VRK3: variants seen among roughly 807,000 people sequenced by gnomAD.
The protein encoded by VRK3 is serine/threonine-protein kinase VRK3.
A neutral mutation model predicts 60.4 loss-of-function variants in VRK3; 50 were observed. That is an observed-to-expected ratio of 0.83 (90% CI 0.66 to 1.05). VRK3 has a LOEUF of 1.05. Ranked by LOEUF, VRK3 falls within the 50% of genes least tolerant of loss-of-function variation. VRK3 has a pLI of 0.00. For missense variants in VRK3, 549 were observed against 585.3 expected (o/e 0.94, Z 0.64); for synonymous variants, 246 against 227.8 (o/e 1.08, Z -0.72).
chr19:49,979,169 C>T lies in VRK3; in HGVS notation c.1350G>A (p.Arg450=). ...YEEKPPYAML[R]NNLEALLQDL... ...CCTGCAGCAAAGCTTCTAGGTTGTT[C>T]CTCAGCATGGCGTAGGGCGGCTTCT... The change falls in exon 14 of 15, where the codon AGG becomes AGA. Residue 450 remains arginine, a synonymous_variant. Coordinates refer to ENST00000316763, the MANE Select transcript of VRK3 (RefSeq NM_016440.4). The T allele has an allele frequency of 6.2e-7, 1 of 1,614,086 alleles. No individual in the cohort carries two copies. Among genetic ancestry groups the T allele is most frequent in the Non-Finnish European group, 8.5e-7 (1 of 1,179,996 alleles).
At chr19:49,997,748 T>C in intron 6 of VRK3, 178 bp from the exon 7 acceptor site, 1 of 589,160 alleles carries the variant, frequency 1.7e-6, no homozygotes, top group South Asian at 2.3e-5. Flanking sequence ...CGAGCTACCT[T>C]GCTGTACCCA....
intron 12 of VRK3, among the ~76,000 whole-genome samples, chr19:49,984,621 C>T (rs536026821): frequency 7.4e-4 from 112 of 152,284 alleles, no homozygotes; most frequent in Middle Eastern, 3.4e-3. Flanking sequence ...CTTCATTCCA[C>T]TACGATTTTT....
intron 5 of VRK3, among the ~76,000 whole-genome samples, chr19:50,002,540 G>A (rs28695592): frequency 0.052 from 7,981 of 152,178 alleles, 693 homozygotes; most frequent in African/African-American, 0.18. Flanking sequence ...CAATGCGTAC[G>A]TGCCCGGTAC....
intron 5 of VRK3, chr19:50,001,327 T>C (rs28479082): frequency 0.049 from 8,026 of 163,216 alleles, 693 homozygotes; most frequent in African/African-American, 0.18. Flanking sequence ...ACAGTTCCCA[T>C]GTACTGTCAC....
chr19:50,008,465 TGAG>T (rs1470747562), intron 4 of VRK3, among the ~76,000 whole-genome samples: 1 of 152,040 alleles, frequency 6.6e-6, no homozygotes, highest in Non-Finnish European at 1.5e-5. Flanking sequence ...CAGAGGATAA[TGAG>T]GAGCAAAGGG....
chr19:50,008,269 C>G (rs548267013), intron 4 of VRK3, among the ~76,000 whole-genome samples: 1 of 152,006 alleles, frequency 6.6e-6, no homozygotes, highest in East Asian at 1.9e-4. Flanking sequence ...GGACTCAGTC[C>G]TGAGATAGAA....
chr19:49,981,820 T>C (rs1236697887), intron 12 of VRK3: 3 of 1,149,314 alleles, frequency 2.6e-6, no homozygotes, highest in East Asian at 5.3e-5. Context: ...ACACGCACAC[T>C]GGTCAGGGAG....
chr19:49,989,044 A>G (rs1489381568), intron 11 of VRK3, among the ~76,000 whole-genome samples: 1 of 152,152 alleles, frequency 6.6e-6, no homozygotes, highest in Non-Finnish European at 1.5e-5. Context: ...GACAAGCACT[A>G]CTTGTCCGTG....
intron 3 of VRK3, among the ~76,000 whole-genome samples, chr19:50,010,904 C>T (rs530972727): frequency 1.3e-5 from 2 of 152,198 alleles, no homozygotes; most frequent in Non-Finnish European, 2.9e-5. Flanking sequence ...CAGAGTGAGA[C>T]TGTGTCTCAA....
At chr19:50,020,938 G>T (rs2077161569) in intron 1 of VRK3, among the ~76,000 whole-genome samples, 1 of 152,192 alleles carries the variant, frequency 6.6e-6, no homozygotes, top group East Asian at 1.9e-4. Flanking sequence ...ATGGAGAAAG[G>T]GCTATGGAGG....
At position 49,995,237 on chromosome 19, in the gene VRK3, C is replaced by T. The variant is rs2076681322; in HGVS notation, c.718G>A (p.Ala240Thr). 1.9e-6 allele frequency: 3 copies of T among 1,614,160 alleles called. No individual in the cohort carries two copies. The highest frequency in any genetic ancestry group is 2.5e-6 in the Non-Finnish European group (3 of 1,180,022). Residue 240 changes from alanine to threonine, a missense_variant, in exon 8 of 15, where the codon GCC becomes ACC. By Grantham distance (58) the Ala-to-Thr change is moderately conservative. Transcript: ENST00000316763. ...WKKLYSTPLL[A>T]IPTCMGFGVH... ...CCGAAACCCATGCAGGTAGGGATGGCCAGCAGTGGGGTCGAGTACAGCTTC... is the reference window on the plus strand; with the variant it reads ...CCGAAACCCATGCAGGTAGGGATGGTCAGCAGTGGGGTCGAGTACAGCTTC...
At chr19:49,980,223 G>A (rs1212845097) in intron 13 of VRK3, among the ~76,000 whole-genome samples, 1 of 152,028 alleles carries the variant, frequency 6.6e-6, no homozygotes, top group Admixed American at 6.6e-5. Context: ...AAACACCCCC[G>A]ACACCCCAAC....
chr19:50,016,311 G>T, intron 2 of VRK3, 148 bp from the exon 3 acceptor site: 1 of 1,052,914 alleles, frequency 9.5e-7, no homozygotes, highest in Middle Eastern at 2.5e-4. Flanking sequence ...CTTAAAACAT[G>T]CAATGGGAAT....
Position 50,008,933 on chromosome 19 carries a change from C to G in VRK3, c.289+303G>C, listed in dbSNP as rs1600707134. 1.3e-5 allele frequency: 4 copies of G among 308,714 alleles called. No individual in the cohort carries two copies. In the East Asian group the frequency reaches 2.4e-4, roughly 19 times the overall value. The allele number at this position is 308,714 out of a possible 1,614,324, so 19.1% of individuals were successfully genotyped here. On this transcript the variant is annotated intron_variant, in intron 4 of 14. Coordinates refer to ENST00000316763, the MANE Select transcript of VRK3 (RefSeq NM_016440.4). The stretch of plus-strand genomic sequence containing the variant: ...TTCTGGGCAAAGACTGTGTTGAGGG[C>G]TAAAGCAGGAACCAGGCCACACAGA...
intron 1 of VRK3, chr19:50,024,905 C>G (rs2077240397): frequency 6.6e-6 from 1 of 152,268 alleles, no homozygotes; most frequent in Non-Finnish European, 1.5e-5. Flanking sequence ...GGCTAAAAGT[C>G]AGACCCCACC....
rs552866345 is a variant in VRK3 at position 49,988,062 on chromosome 19, T to C, written c.1217+310A>G. ...AAGTGCTGTGTGCACCTGACTTCCC[T>C]GAACTCTTTGCAGTCCCATAAGGTA... On this transcript the variant is annotated intron_variant, in intron 12 of 14. Transcript: ENST00000316763. The C allele has an allele frequency of 2.5e-4, 55 of 222,134 alleles. 3 individuals carry two copies. In the South Asian group the frequency reaches 3.8e-3, roughly 15 times the overall value. The allele number at this position is 222,134 out of a possible 1,614,324, so 13.8% of individuals were successfully genotyped here.
chr19:50,003,624 T>TG (rs1176201696), intron 5 of VRK3, among the ~76,000 whole-genome samples: 1 of 151,888 alleles, frequency 6.6e-6, no homozygotes, highest in Non-Finnish European at 1.5e-5. Flanking sequence ...GCGCAGAGAG[T>TG]GGGGTAAAGT....
chr19:49,994,093 C>T (rs1348069130), intron 9 of VRK3, among the ~76,000 whole-genome samples: 3 of 152,144 alleles, frequency 2.0e-5, no homozygotes. Flanking sequence ...CACTGCAGTG[C>T]CATACTGCAG....
intron 9 of VRK3, among the ~76,000 whole-genome samples, chr19:49,994,090 G>A (rs548178745): frequency 8.5e-5 from 13 of 152,272 alleles, no homozygotes; most frequent in African/African-American, 2.9e-4. Context: ...CCGCACTGCA[G>A]TGCCATACTG....
Sources: allele counts gnomAD v4.1 joint callset (sites outside exome capture counted in the v4.1 genomes callset), GRCh38; gene constraint gnomAD v4.1.1; transcripts MANE v1.5; gene names NCBI Gene and HGNC (gene_info 2026-07-23, HGNC 2026-07-21).